Variants in TRPC4AP observed in about 807,000 individuals in gnomAD.
The protein encoded by TRPC4AP is transient receptor potential cation channel subfamily C member 4 associated protein, also known as short transient receptor potential channel 4-associated protein.
In TRPC4AP, 45 loss-of-function variants were observed where a neutral mutation model predicts 99.0. The observed-to-expected ratio is 0.45, with a 90% CI of 0.36 to 0.58. The LOEUF (loss-of-function observed/expected upper bound fraction) is 0.58, where lower values mean the gene tolerates loss of function less well. TRPC4AP is among the 20% of genes least tolerant of loss of function. The pLI, the probability that TRPC4AP is intolerant of heterozygous loss-of-function variation, is 0.00. For synonymous variants in TRPC4AP, 408 were observed against 385.8 expected, an observed-to-expected ratio of 1.06 and a Z score of -0.67; for missense variants, 879 against 985.3, an observed-to-expected ratio of 0.89 and a Z score of 1.44.
At chr20:35,071,909 A>C (rs1433330028) in intron 2 of TRPC4AP, among the ~76,000 whole-genome samples, 1 of 152,170 alleles carries the variant, frequency 6.6e-6, no homozygotes, top group African/African-American at 2.4e-5. Flanking sequence ...CAACAGTTTA[A>C]AAGTGTTCCT....
At chr20:35,033,403 A>G (rs755236784) in intron 8 of TRPC4AP, among the ~76,000 whole-genome samples, 2 of 152,144 alleles carry the variant, frequency 1.3e-5, no homozygotes, top group Non-Finnish European at 2.9e-5. Flanking sequence ...CTGGGATGAC[A>G]TTGAGCCAGG....
intron 2 of TRPC4AP, among the ~76,000 whole-genome samples, chr20:35,077,513 G>A (rs894205453): frequency 6.6e-6 from 1 of 152,134 alleles, no homozygotes; most frequent in African/African-American, 2.4e-5. Flanking sequence ...TTTCAGGGGT[G>A]GGGCCCAGAA....
Position 35,010,193 on chromosome 20 carries a change from G to A in TRPC4AP, c.1505C>T (p.Thr502Ile), listed in dbSNP as rs2082602146. The A allele has an allele frequency of 6.2e-7, 1 of 1,614,038 alleles. No individual in the cohort carries two copies. Among genetic ancestry groups the A allele is most frequent in the East Asian group, 2.2e-5 (1 of 44,878 alleles). The change falls in exon 12 of 19, where the codon ACC (threonine) becomes ATC (isoleucine). Residue 502 changes from threonine (T) to isoleucine (I), a missense_variant. By Grantham distance (89) the Thr-to-Ile change is moderately conservative. Transcript: ENST00000252015. The part of the protein sequence containing the change: ...NIPEVEAVLN[T>I]DRSLVCDGKR... ...GCTGCACCCCTGCACTCACCTGTCG[G>A]TGTTGAGGACAGCTTCCACCTCAGG...
At chr20:35,005,548 G>A in intron 16 of TRPC4AP, 147 bp downstream of exon 16, 1 of 638,236 alleles carries the variant, frequency 1.6e-6, no homozygotes. Context: ...AAAGCCAATT[G>A]CCCTGGAAGC....
chr20:35,005,154 C>G (rs1718278521), intron 16 of TRPC4AP, among the ~76,000 whole-genome samples: 1 of 152,166 alleles, frequency 6.6e-6, no homozygotes, highest in South Asian at 2.1e-4. Flanking sequence ...AAAAAGGAAG[C>G]AAACGGCTAA....
intron 1 of TRPC4AP, among the ~76,000 whole-genome samples, chr20:35,083,209 T>C (rs1275657521): frequency 1.3e-5 from 2 of 152,198 alleles, no homozygotes; most frequent in African/African-American, 4.8e-5. Flanking sequence ...CTACAATTTT[T>C]AAATGCAGTT....
chr20:35,051,410 C>A (rs1249481695), intron 5 of TRPC4AP, among the ~76,000 whole-genome samples: 1 of 152,106 alleles, frequency 6.6e-6, no homozygotes, highest in Non-Finnish European at 1.5e-5. Flanking sequence ...TGGGCTCAAG[C>A]GATCCCCCCA....
intron 3 of TRPC4AP, among the ~76,000 whole-genome samples, chr20:35,058,758 C>G (rs1265476225): frequency 7.1e-6 from 1 of 140,072 alleles, no homozygotes; most frequent in East Asian, 2.1e-4. Context: ...AGCCCTATCT[C>G]GGCTCACTGC....
At chr20:35,011,531 G>A (rs1244674297) in intron 11 of TRPC4AP, among the ~76,000 whole-genome samples, 2 of 152,268 alleles carry the variant, frequency 1.3e-5, no homozygotes, top group African/African-American at 4.8e-5. Flanking sequence ...ATGAGCCCAG[G>A]AAAAGATCAA....
chr20:35,086,465 G>GTATATATATATGTGTATATATA lies in TRPC4AP; in HGVS notation c.168+6148_168+6149insTATATATACACATATATATATA, dbSNP rs1569157456. Among the ~76,000 whole-genome samples the GTATATATATATGTGTATATATA allele has an allele frequency of 1.6e-3, 189 of 116,130 alleles. 2 individuals carry two copies. The highest frequency in any genetic ancestry group is 6.1e-3 in the African/African-American group (183 of 29,832). 76.2% of individuals were successfully genotyped at this position (116,130 alleles called of 152,430 possible). A position where few individuals can be genotyped will look rare whatever the true frequency, so the allele number is the denominator to read the frequency against. Reference sequence around the variant, plus strand: ...TGTGTGTGTGTGTGTGTGTGTGTGTGTGTGTGTGTGTATGTGTGTGTATAT... The same window carrying GTATATATATATGTGTATATATA: ...TGTGTGTGTGTGTGTGTGTGTGTGTGTATATATATATGTGTATATATATGTGTGTGTGTATGTGTGTGTATAT... On this transcript the variant is annotated intron_variant, in intron 1 of 18. Coordinates refer to ENST00000252015, the MANE Select transcript of TRPC4AP (RefSeq NM_015638.3).
chr20:35,053,103 T>C (rs1249368694), intron 5 of TRPC4AP, among the ~76,000 whole-genome samples: 1 of 151,970 alleles, frequency 6.6e-6, no homozygotes, highest in Non-Finnish European at 1.5e-5. Context: ...AGGGAGCATA[T>C]AATTTAATAC....
intron 9 of TRPC4AP, among the ~76,000 whole-genome samples, chr20:35,016,581 G>A (rs1314583651): frequency 2.0e-5 from 3 of 152,078 alleles, no homozygotes; most frequent in Middle Eastern, 3.4e-3. Flanking sequence ...TCAGCTGAAA[G>A]TAAGATACAA....
intron 13 of TRPC4AP, 99 bp downstream of exon 13, chr20:35,008,565 G>T: frequency 1.0e-6 from 1 of 985,518 alleles, no homozygotes; most frequent in African/African-American, 1.6e-5. Context: ...GCTTCAGGAG[G>T]CATGGACGCT....
At chr20:35,082,511 T>C (rs192840123) in intron 1 of TRPC4AP, among the ~76,000 whole-genome samples, 133 of 152,260 alleles carry the variant, frequency 8.7e-4, no homozygotes, top group African/African-American at 3.0e-3. Context: ...TATGAAAATA[T>C]CCTGAAAGAT....
intron 8 of TRPC4AP, among the ~76,000 whole-genome samples, chr20:35,031,855 T>C (rs6060166): frequency 5.3e-5 from 8 of 152,290 alleles, no homozygotes; most frequent in African/African-American, 1.7e-4. Flanking sequence ...CTGCTGAGTC[T>C]TTCTAGTGAT....
Position 35,078,171 on chromosome 20 carries a change from T to A in TRPC4AP, c.172A>T (p.Thr58Ser), listed in dbSNP as rs1234803932. ...TCCCTCTCCGTCAAAAAAGTCTCAG[T>A]GAACTGTGAGTCAAAAAAAGAGAGA... ...GRGLVRAVQFTETFLTERDKQ... is the reference protein window; with the variant it reads ...GRGLVRAVQFSETFLTERDKQ... The change falls in exon 2 of 19, where the codon ACT (threonine) becomes TCT (serine). Residue 58 changes from threonine (T) to serine (S), a missense_variant. Around this residue, in one of 3 missense-constraint regions of TRPC4AP, gnomAD observed 603 missense variants for 631.8 expected, o/e 0.95. Coordinates refer to ENST00000252015, the MANE Select transcript of TRPC4AP (RefSeq NM_015638.3). 2.5e-6 allele frequency: 4 copies of A among 1,613,160 alleles called. No individual in the cohort carries two copies. The highest frequency in any genetic ancestry group is 8.5e-7 in the Non-Finnish European group (1 of 1,179,384).
intron 9 of TRPC4AP, among the ~76,000 whole-genome samples, chr20:35,020,875 C>G (rs2082869825): frequency 6.6e-6 from 1 of 152,188 alleles, no homozygotes; most frequent in Non-Finnish European, 1.5e-5. Flanking sequence ...ACTCCTCTAG[C>G]ATGTCCACAG....
chr20:35,086,429 A>ATGTG (rs1491214748), intron 1 of TRPC4AP, among the ~76,000 whole-genome samples: 1 of 117,802 alleles, frequency 8.5e-6, no homozygotes, highest in Non-Finnish European at 1.7e-5. Flanking sequence ...AATGAATGGC[A>ATGTG]TATGTGTGTG....
At chr20:35,012,318 T>C (rs1266200310) in intron 11 of TRPC4AP, among the ~76,000 whole-genome samples, 1 of 152,240 alleles carries the variant, frequency 6.6e-6, no homozygotes, top group Admixed American at 6.5e-5. Flanking sequence ...CACATAAATC[T>C]TAATTTCTGC....
Sources: gnomAD v4.1 joint callset for allele counts (sites outside exome capture counted in the v4.1 genomes callset) on GRCh38, gnomAD v4.1.1 for gene constraint, gnomAD v4.1.1 regional missense constraint, MANE v1.5 for transcripts, NCBI Gene and HGNC (gene_info 2026-07-23, HGNC 2026-07-21) for gene names.